Variants in FBXO24 observed in about 807,000 individuals in gnomAD.
The protein encoded by FBXO24 is F-box protein 24.
A neutral mutation model predicts 63.5 loss-of-function variants in FBXO24; 30 were observed. That is an observed-to-expected ratio of 0.47 (90% CI 0.35 to 0.64). The LOEUF is 0.64. FBXO24 is among the 30% of genes least tolerant of loss of function. FBXO24 has a pLI of 0.00. For synonymous variants in FBXO24, 300 were observed against 305.0 expected, an observed-to-expected ratio of 0.98 and a Z score of 0.17; for missense variants, 624 against 763.4, an observed-to-expected ratio of 0.82 and a Z score of 2.15.
intron 8 of FBXO24, among the ~76,000 whole-genome samples, chr7:100,597,309 T>G (rs1373070172): frequency 6.6e-6 from 1 of 152,224 alleles, no homozygotes; most frequent in Admixed American, 6.5e-5. Flanking sequence ...ATACATTTAC[T>G]ACTGACATGG....
chr7:100,592,147 T>A, intron 4 of FBXO24: 1 of 417,992 alleles, frequency 2.4e-6, no homozygotes, highest in African/African-American at 2.0e-5. Context: ...TAATTCCAGC[T>A]ACTTGGGAGG....
chr7:100,593,022 G>T lies in FBXO24; in HGVS notation c.793+5G>T, dbSNP rs1802108362. 6.2e-7 allele frequency: 1 copy of T among 1,612,856 alleles called. No homozygotes were observed. Among genetic ancestry groups the T allele is most frequent in the Non-Finnish European group, 8.5e-7 (1 of 1,179,020 alleles). ...GGGCTCTACTGCTCCTCACAGGTGT[G>T]GCCCAAAGCAATGGCTTTTGCAAAC... On this transcript the variant is annotated splice_donor_5th_base_variant and intron_variant, in intron 5 of 9. Transcript: ENST00000241071.
chr7:100,598,862 C>T (rs1402011125), intron 8 of FBXO24, among the ~76,000 whole-genome samples: 1 of 151,650 alleles, frequency 6.6e-6, no homozygotes, highest in Non-Finnish European at 1.5e-5. Context: ...ACCCATAGTC[C>T]CAGCTACTCG....
chr7:100,597,740 T>C (rs965195808), intron 8 of FBXO24, among the ~76,000 whole-genome samples: 22 of 151,566 alleles, frequency 1.5e-4, no homozygotes, highest in African/African-American at 5.1e-4. Flanking sequence ...TCTCCACTGC[T>C]TCCCAAGCTG....
At chr7:100,589,399 C>T (rs1801889398) in intron 1 of FBXO24, 2 of 1,195,482 alleles carry the variant, frequency 1.7e-6, no homozygotes, top group African/African-American at 3.1e-5. Flanking sequence ...AAAGATGTCA[C>T]CTACCAGTAA....
At chr7:100,599,967 T>TGCCACCCCC in intron 8 of FBXO24, 64 bp from the exon 9 acceptor site, 3 of 1,496,772 alleles carry the variant, frequency 2.0e-6, no homozygotes, top group Non-Finnish European at 2.7e-6. Context: ...GTCAACCTTT[T>TGCCACCCCC]CCCACCCCAG....
intron 6 of FBXO24, 82 bp from the exon 7 acceptor site, chr7:100,595,020 T>C: frequency 6.3e-7 from 1 of 1,577,812 alleles, no homozygotes; most frequent in East Asian, 2.3e-5. Flanking sequence ...CCTTGGATCT[T>C]GTAGCTTTCA....
chr7:100,593,813 A>G (rs1032182183), intron 5 of FBXO24, among the ~76,000 whole-genome samples: 3 of 151,514 alleles, frequency 2.0e-5, no homozygotes, highest in African/African-American at 7.3e-5. Context: ...AAAAAAAAAA[A>G]AAAAAAATCA....
At position 100,600,454 on chromosome 7, in the gene FBXO24, G is replaced by A. The variant is rs1273147785; in HGVS notation, c.1378-80G>A. 1 of 1,518,768 alleles carries A rather than the reference G, an allele frequency of 6.6e-7. No individual in the cohort carries two copies. The highest frequency in any genetic ancestry group is 2.3e-5 in the East Asian group (1 of 44,086). 94.1% of individuals were successfully genotyped at this position (1,518,768 alleles called of 1,614,324 possible). A position where few individuals can be genotyped will look rare whatever the true frequency, so the allele number is the denominator to read the frequency against. ...TGGTGTGAGAGGGAAGAATGCAATA[G>A]GCAGATTAGCCCGGGCACCCTGGGA... On this transcript the variant is annotated intron_variant, in intron 9 of 9. Transcript: ENST00000241071. The surrounding 1 kb of genome is among the most constrained non-coding windows in gnomAD (Gnocchi z 6.3).
rs554782859 is a variant in FBXO24, at chr7:100,595,383, G to GC, written c.1074+161dup. 8.9e-4 allele frequency among the ~76,000 whole-genome samples: 136 copies of GC among 152,182 alleles called. 1 individual carries two copies. The highest frequency in any genetic ancestry group is 3.1e-3 in the African/African-American group (129 of 41,504). On this transcript the variant is annotated intron_variant, in intron 7 of 9. Transcript: ENST00000241071. ...AGCTGGGGGCTCGGTGCGGAGGGAG[G>GC]CTGAGGAGGGAGTATCGCTTGAGCC...
At chr7:100,598,963 A>G (rs1470525439) in intron 8 of FBXO24, among the ~76,000 whole-genome samples, 2 of 150,860 alleles carry the variant, frequency 1.3e-5, no homozygotes, top group African/African-American at 4.9e-5. Context: ...TGGGCAACAG[A>G]GCGAGACTCC....
rs750913465 is a variant in FBXO24 at position 100,595,147 on chromosome 7, G to C, written c.998G>C (p.Arg333Pro). The C allele has an allele frequency of 6.2e-7, 1 of 1,614,020 alleles. No individual in the cohort carries two copies. Residue 333 changes from arginine to proline, a missense_variant, in exon 7 of 10, where the codon CGC (arginine) becomes CCC (proline). Arg to Pro is a moderately radical substitution (Grantham distance 103, BLOSUM62 -2). Coordinates refer to ENST00000241071, the MANE Select transcript of FBXO24 (RefSeq NM_033506.3). Reference protein sequence around the residue: ...YFEVHTPGVYRDLFGTLQAFD... With the variant: ...YFEVHTPGVYPDLFGTLQAFD... ...GAGGTGCATACCCCAGGGGTGTATC[G>C]CGATCTCTTTGGGACCCTTCAAGCC...
At position 100,592,950 on chromosome 7, in the gene FBXO24, C is replaced by T; in HGVS notation, c.726C>T (p.His242=). 1.2e-6 allele frequency: 2 copies of T among 1,614,190 alleles called. No individual in the cohort carries two copies. Among genetic ancestry groups the T allele is most frequent in the Non-Finnish European group, 1.7e-6 (2 of 1,180,048 alleles). ...GGGTCTTCAAGATGACATTCCACCA[C>T]TCAATGACCTTCAAGCAGATCGTGC... ...GQRVFKMTFH[H]SMTFKQIVLV... The change falls in exon 5 of 10, where the codon CAC becomes CAT. Residue 242 remains histidine (H), a synonymous_variant. Transcript: ENST00000241071.
rs754445423 is a variant in FBXO24, at chr7:100,589,681, C to T, written c.40-296C>T. The T allele has an allele frequency of 5.2e-6, 8 of 1,537,062 alleles. No homozygotes were observed. The Middle Eastern group carries it at 6.8e-4, about 130-fold the overall frequency. ...CAGCAGGAACGGGGGGGCCAAGGGC[C>T]TAGGAGACAGGAGGGCAGGAGCAGG... On this transcript the variant is annotated intron_variant, in intron 1 of 9. Coordinates refer to ENST00000241071, the MANE Select transcript of FBXO24 (RefSeq NM_033506.3).
In FBXO24 at chr7:100,594,942, C is replaced by T. The variant is rs1026096625; in HGVS notation, c.953-160C>T. Among the ~76,000 whole-genome samples, 2 of 152,078 alleles carry T rather than the reference C, an allele frequency of 1.3e-5. No individual in the cohort carries two copies. Among genetic ancestry groups the T allele is most frequent in the Admixed American group, 1.3e-4 (2 of 15,274 alleles). ...CCAGCCTGGGTGACCGAGGGAGACT[C>T]GGTCTCAAAAGATGTGTTTTCAGTT... On this transcript the variant is annotated intron_variant, in intron 6 of 9. Coordinates refer to ENST00000241071, the MANE Select transcript of FBXO24 (RefSeq NM_033506.3). This position sits in a 1 kb window ranked among gnomAD's most constrained non-coding sequence, Gnocchi z 4.2.
At chr7:100,599,326 C>T (rs1562822548) in intron 8 of FBXO24, among the ~76,000 whole-genome samples, 1 of 152,134 alleles carries the variant, frequency 6.6e-6, no homozygotes, top group Non-Finnish European at 1.5e-5. Flanking sequence ...GTAATCCCAG[C>T]ACTTTGGGAG....
intron 1 of FBXO24, among the ~76,000 whole-genome samples, chr7:100,588,914 CTG>C (rs1281614829): frequency 6.6e-6 from 1 of 152,130 alleles, no homozygotes; most frequent in Admixed American, 6.5e-5. Flanking sequence ...CTGCCTCAAA[CTG>C]GGCTCAAGCA....
intron 8 of FBXO24, among the ~76,000 whole-genome samples, chr7:100,598,029 C>A (rs961013849): frequency 2.0e-5 from 3 of 151,720 alleles, no homozygotes; most frequent in African/African-American, 7.3e-5. Context: ...CTGGCCCCAT[C>A]CCATTTTTTG....
In FBXO24 at chr7:100,590,191, A is replaced by G; in HGVS notation, c.156A>G (p.Ser52=). The change falls in exon 3 of 10, where the codon TCA becomes TCG. Residue 52 remains serine, a synonymous_variant. Coordinates refer to ENST00000241071, the MANE Select transcript of FBXO24 (RefSeq NM_033506.3). The part of the protein sequence containing the change: ...FPPELVEHII[S]FLPVRDLVAL... ...CCTCCCAGGTGGAGCATATCATCTCATTCCTCCCAGTCAGAGACCTTGTTG... is the reference window on the plus strand; with the variant it reads ...CCTCCCAGGTGGAGCATATCATCTCGTTCCTCCCAGTCAGAGACCTTGTTG... 3 of 1,613,624 alleles carry G rather than the reference A, an allele frequency of 1.9e-6. No individual in the cohort carries two copies. Among genetic ancestry groups the G allele is most frequent in the Middle Eastern group, 3.3e-4 (2 of 6,058 alleles).
Sources: allele counts gnomAD v4.1 joint callset (sites outside exome capture counted in the v4.1 genomes callset), GRCh38; gene constraint gnomAD v4.1.1; non-coding constraint Gnocchi (gnomAD v3.1); transcripts MANE v1.5; gene names NCBI Gene and HGNC (gene_info 2026-07-23, HGNC 2026-07-21).